Variants in SLAIN1 observed in about 807,000 individuals in gnomAD.
The protein encoded by SLAIN1 is SLAIN motif-containing protein 1.
Under a neutral mutation model 55.4 loss-of-function variants are expected in SLAIN1, and 17 were observed. That is an observed-to-expected ratio of 0.31 (90% CI 0.21 to 0.46). The LOEUF is 0.46. Among genes scored for constraint, SLAIN1 ranks in the 20% least tolerant of loss-of-function variants. SLAIN1 has a pLI of 1.00. For missense variants in SLAIN1, 682 were observed against 785.1 expected (o/e 0.87, Z 1.57); for synonymous variants, 348 against 337.4 (o/e 1.03, Z -0.35).
At chr13:77,724,932 C>T (rs2091294296) in intron 2 of SLAIN1, among the ~76,000 whole-genome samples, 1 of 152,094 alleles carries the variant, frequency 6.6e-6, no homozygotes, top group South Asian at 2.1e-4. Flanking sequence ...TGAGTGTTTT[C>T]TTTGAGACTA....
chr13:77,732,083 C>A (rs1199302922), intron 2 of SLAIN1, among the ~76,000 whole-genome samples: 1 of 152,052 alleles, frequency 6.6e-6, no homozygotes, highest in Non-Finnish European at 1.5e-5. Context: ...TATTTACTTT[C>A]TATCGTCTCT....
intron 2 of SLAIN1, among the ~76,000 whole-genome samples, chr13:77,721,027 G>A (rs1437340703): frequency 6.6e-6 from 1 of 152,116 alleles, no homozygotes; most frequent in Non-Finnish European, 1.5e-5. Flanking sequence ...ATTTACCTAA[G>A]TGACTCGAAG....
chr13:77,753,365 A>G lies in SLAIN1; in HGVS notation c.1414+7A>G, dbSNP rs563002247. On this transcript the variant is annotated splice_region_variant and intron_variant, in intron 5 of 6. Transcript: ENST00000418532. ...TCAAGAATACAATCTTGTAGTGAGT[A>G]TAATTATTTGATATAATTATATATT... 11 of 1,483,158 alleles carry G rather than the reference A, an allele frequency of 7.4e-6. No individual in the cohort carries two copies. In the South Asian group the frequency reaches 1.3e-4, roughly 17 times the overall value. The allele number at this position is 1,483,158 out of a possible 1,614,324, so 91.9% of individuals were successfully genotyped here.
chr13:77,746,919 G>T, intron 4 of SLAIN1, 64 bp downstream of exon 4: 1 of 1,383,810 alleles, frequency 7.2e-7, no homozygotes. Context: ...TCAAGAAATG[G>T]TTTTTGTGTT....
At position 77,754,812 on chromosome 13, in the gene SLAIN1, G is replaced by A. The variant is rs183561812; in HGVS notation, c.1414+1454G>A. 2.4e-4 allele frequency among the ~76,000 whole-genome samples: 36 copies of A among 152,194 alleles called. 1 individual carries two copies. Among genetic ancestry groups the A allele is most frequent in the African/African-American group, 7.9e-4 (33 of 41,532 alleles). ...TAGATTGTAAGCTCCCTCTGGGCTT[G>A]GGCCATCATTTATTTGATTTTCTGT... On this transcript the variant is annotated intron_variant, in intron 5 of 6. Coordinates refer to ENST00000418532, the MANE Select transcript of SLAIN1 (RefSeq NM_001242868.2).
chr13:77,725,725 A>G (rs2091301617), intron 2 of SLAIN1, among the ~76,000 whole-genome samples: 1 of 152,048 alleles, frequency 6.6e-6, no homozygotes, highest in Non-Finnish European at 1.5e-5. Flanking sequence ...ACCCTCTTCT[A>G]CCTTATTTCC....
intron 2 of SLAIN1, chr13:77,741,589 T>A (rs528374426): frequency 5.1e-6 from 1 of 196,898 alleles, no homozygotes; most frequent in African/African-American, 2.4e-5. Flanking sequence ...AAGGAAAAGA[T>A]ATTTTTAATG....
chr13:77,702,725 T>C (rs1008130870), intron 1 of SLAIN1, among the ~76,000 whole-genome samples: 2 of 151,872 alleles, frequency 1.3e-5, no homozygotes, highest in African/African-American at 4.8e-5. Flanking sequence ...TATTTTTTTT[T>C]CCCCAGAGCT....
chr13:77,721,531 A>T (rs757026490), intron 2 of SLAIN1, among the ~76,000 whole-genome samples: 7 of 152,156 alleles, frequency 4.6e-5, no homozygotes, highest in Non-Finnish European at 1.0e-4. Flanking sequence ...ATTTGGCTCA[A>T]TAATTTGAAG....
intron 4 of SLAIN1, among the ~76,000 whole-genome samples, chr13:77,750,557 A>T (rs1421266860): frequency 6.6e-6 from 1 of 152,134 alleles, no homozygotes; most frequent in Non-Finnish European, 1.5e-5. Context: ...CTGTCTGCCA[A>T]ATCATACACA....
intron 1 of SLAIN1, among the ~76,000 whole-genome samples, chr13:77,701,346 A>G (rs1003194500): frequency 1.5e-4 from 23 of 152,326 alleles, no homozygotes; most frequent in South Asian, 2.1e-4. Context: ...CTTAGAATAC[A>G]TTATTTTCCT....
intron 2 of SLAIN1, among the ~76,000 whole-genome samples, chr13:77,731,387 G>A (rs547387594): frequency 1.3e-5 from 2 of 152,306 alleles, no homozygotes; most frequent in African/African-American, 4.8e-5. Flanking sequence ...AAGCAAATAA[G>A]TGTAGGAGCA....
At chr13:77,709,073 AC>A in intron 1 of SLAIN1, among the ~76,000 whole-genome samples, 1 of 152,058 alleles carries the variant, frequency 6.6e-6, no homozygotes, top group African/African-American at 2.4e-5. Flanking sequence ...AACATAAATG[AC>A]CTGATGGAGC....
chr13:77,741,493 A>C, intron 2 of SLAIN1: 1 of 924,466 alleles, frequency 1.1e-6, no homozygotes, highest in Non-Finnish European at 1.3e-6. Flanking sequence ...ATTGGCAACC[A>C]GGCTTCACAG....
At position 77,698,493 on chromosome 13, in the gene SLAIN1, G is replaced by T; in HGVS notation, c.580G>T (p.Asp194Tyr). The change falls in exon 1 of 7, where the codon GAT becomes TAT. Residue 194 changes from aspartate to tyrosine, a missense_variant. Asp to Tyr is a radical substitution (Grantham distance 160). Transcript: ENST00000418532. The surrounding 1 kb of genome is among the most constrained non-coding windows in gnomAD (Gnocchi z 4.1). Reference protein sequence around the residue: ...PTLLDEVELLDLESVAAWRDE... With the variant: ...PTLLDEVELLYLESVAAWRDE... ...GCTGCTGGACGAGGTGGAATTGCTG[G>T]ATCTGGAGAGCGTAGCCGCCTGGCG... is the stretch of plus-strand genomic sequence containing the variant. The T allele has an allele frequency of 3.4e-6, 5 of 1,461,008 alleles. No homozygotes were observed. Among genetic ancestry groups the T allele is most frequent in the Middle Eastern group, 2.4e-4 (1 of 4,238 alleles). The allele number at this position is 1,461,008 out of a possible 1,614,324, so 90.5% of individuals were successfully genotyped here.
chr13:77,758,778 G>A (rs1874792432), intron 5 of SLAIN1, among the ~76,000 whole-genome samples: 1 of 152,082 alleles, frequency 6.6e-6, no homozygotes, highest in African/African-American at 2.4e-5. Context: ...CTGTTCAATT[G>A]GTCGATATGC....
At chr13:77,721,127 T>C (rs1566227768) in intron 2 of SLAIN1, among the ~76,000 whole-genome samples, 1 of 151,814 alleles carries the variant, frequency 6.6e-6, no homozygotes, top group Non-Finnish European at 1.5e-5. Context: ...TGGTGGGAGG[T>C]GACTGGATCA....
intron 2 of SLAIN1, among the ~76,000 whole-genome samples, chr13:77,738,867 G>A (rs549623473): frequency 5.3e-5 from 8 of 152,166 alleles, no homozygotes; most frequent in Non-Finnish European, 7.4e-5. Flanking sequence ...AATTGCAGCC[G>A]TTTTGTAACT....
In SLAIN1 at chr13:77,698,907, C is replaced by A. The variant is rs2091001894; in HGVS notation, c.626+368C>A. The A allele has an allele frequency of 1.3e-6, 2 of 1,532,926 alleles. No homozygotes were observed. The highest frequency in any genetic ancestry group is 2.4e-5 in the South Asian group (2 of 83,878). 95.0% of individuals were successfully genotyped at this position (1,532,926 alleles called of 1,614,324 possible). A position where few individuals can be genotyped will look rare whatever the true frequency, so the allele number is the denominator to read the frequency against. On this transcript the variant is annotated intron_variant, in intron 1 of 6. Transcript: ENST00000418532. The surrounding 1 kb of genome is among the most constrained non-coding windows in gnomAD (Gnocchi z 4.1). ...GTGCTGCTCTTTTCCCCAGTGTTTT[C>A]GGAGGGATGACGGGGGATGGTAGGG... is the stretch of plus-strand genomic sequence containing the variant.
Sources: gnomAD v4.1 joint callset for allele counts (sites outside exome capture counted in the v4.1 genomes callset) on GRCh38, gnomAD v4.1.1 for gene constraint, Gnocchi (gnomAD v3.1) non-coding constraint, MANE v1.5 for transcripts, NCBI Gene and HGNC (gene_info 2026-07-23, HGNC 2026-07-21) for gene names.